TENM3: variants seen among roughly 807,000 people sequenced by gnomAD.
TENM3 encodes teneurin-3.
Under a neutral mutation model 255.1 loss-of-function variants are expected in TENM3, and 63 were observed. The observed-to-expected ratio is 0.25, with a 90% CI of 0.20 to 0.30. The LOEUF (loss-of-function observed/expected upper bound fraction) is 0.30, where lower values mean the gene tolerates loss of function less well. Ranked by LOEUF, TENM3 falls within the 10% of genes least tolerant of loss-of-function variation. The pLI, the probability that TENM3 is intolerant of heterozygous loss-of-function variation, is 1.00. For synonymous variants in TENM3, 1,306 were observed against 1,322.3 expected (o/e 0.99, Z 0.27); for missense variants, 2,929 against 3,461.1 (o/e 0.85, Z 3.86).
At chr4:182,575,999 TG>T (rs956323438) in intron 3 of TENM3, among the ~76,000 whole-genome samples, 28 of 152,202 alleles carry the variant, frequency 1.8e-4, no homozygotes, top group Non-Finnish European at 3.7e-4. Flanking sequence ...ATTTTCAGGG[TG>T]GGATTAAGCA....
chr4:182,543,542 C>T (rs1342396546), intron 3 of TENM3, among the ~76,000 whole-genome samples: 2 of 152,136 alleles, frequency 1.3e-5, no homozygotes, highest in Admixed American at 1.3e-4. Flanking sequence ...TAACCTCTAA[C>T]CTTAAACAGG....
the TENM3 span, among the ~76,000 whole-genome samples, chr4:181,532,344 CA>C: frequency 1.4e-3 from 210 of 152,108 alleles, 1 homozygote; most frequent in African/African-American, 4.6e-3. Context: ...ATTTAGGAAG[CA>C]GGATGTACAG....
At chr4:182,753,854 A>G (rs1261565314) in intron 21 of TENM3, among the ~76,000 whole-genome samples, 1 of 152,234 alleles carries the variant, frequency 6.6e-6, no homozygotes, top group Non-Finnish European at 1.5e-5. Flanking sequence ...GTAATAAAAT[A>G]CCAGTAAAGT....
At chr4:181,941,989 C>T in the TENM3 span, among the ~76,000 whole-genome samples, 3 of 152,218 alleles carry the variant, frequency 2.0e-5, no homozygotes, top group Admixed American at 6.5e-5. Flanking sequence ...ACAGGCTTCC[C>T]TGCCTCTCCC....
chr4:182,025,284 T>C, the TENM3 span, among the ~76,000 whole-genome samples: 1 of 152,164 alleles, frequency 6.6e-6, no homozygotes, highest in South Asian at 2.1e-4. Context: ...TGCCTCAGCC[T>C]CCCAAAGTGC....
chr4:182,206,889 T>G (rs1754620444), intron 1 of TENM3, among the ~76,000 whole-genome samples: 1 of 152,180 alleles, frequency 6.6e-6, no homozygotes, highest in Admixed American at 6.5e-5. Flanking sequence ...TTTCTCTCTC[T>G]TTTTAATTTG....
the TENM3 span, among the ~76,000 whole-genome samples, chr4:182,100,285 T>C: frequency 6.5e-3 from 991 of 151,714 alleles, 3 homozygotes; most frequent in Non-Finnish European, 9.7e-3. Context: ...ATCCATTTCT[T>C]CATGTCTCAT....
intron 7 of TENM3, among the ~76,000 whole-genome samples, chr4:182,679,240 C>T (rs1167760983): frequency 2.0e-5 from 3 of 152,132 alleles, no homozygotes; most frequent in Middle Eastern, 3.4e-3. Flanking sequence ...ATGATGGATA[C>T]CAGAGGCCGG....
the TENM3 span, among the ~76,000 whole-genome samples, chr4:181,689,923 G>T: frequency 6.6e-6 from 1 of 152,246 alleles, no homozygotes. Context: ...CACGTAAAAA[G>T]TTGAGGTCAA....
At chr4:181,634,878 G>A in the TENM3 span, among the ~76,000 whole-genome samples, 1 of 152,026 alleles carries the variant, frequency 6.6e-6, no homozygotes, top group Non-Finnish European at 1.5e-5. Flanking sequence ...TAAATTACTT[G>A]TATTATTTTG....
At chr4:182,096,260 G>A in the TENM3 span, among the ~76,000 whole-genome samples, 2 of 152,120 alleles carry the variant, frequency 1.3e-5, no homozygotes, top group East Asian at 3.8e-4. Context: ...TCTAAAGACG[G>A]GACAAATTAA....
In TENM3 at chr4:182,247,796, T is replaced by C. The variant is rs143983041; in HGVS notation, c.-76+4320T>C. 5.6e-4 allele frequency among the ~76,000 whole-genome samples: 85 copies of C among 152,314 alleles called. No homozygotes were observed. In the East Asian group the frequency reaches 0.013, roughly 23 times the overall value. ...TGAGTAAAAGCAGAATTATTTTCAATACTTAACAAAATTTTATTGGGAAAA... is the reference window on the plus strand; with the variant it reads ...TGAGTAAAAGCAGAATTATTTTCAACACTTAACAAAATTTTATTGGGAAAA... On this transcript the variant is annotated intron_variant, in intron 1 of 27. Coordinates refer to ENST00000511685, the MANE Select transcript of TENM3 (RefSeq NM_001080477.4).
the TENM3 span, among the ~76,000 whole-genome samples, chr4:181,906,785 G>A: frequency 2.9e-4 from 44 of 152,286 alleles, no homozygotes; most frequent in South Asian, 1.0e-3. Flanking sequence ...GAGCCCAAGC[G>A]ATCCTCTCGC....
chr4:182,663,232 G>C (rs1159105982), intron 6 of TENM3, among the ~76,000 whole-genome samples: 4 of 152,196 alleles, frequency 2.6e-5, no homozygotes, highest in Non-Finnish European at 4.4e-5. Context: ...AGCTAGAATA[G>C]ATCAGTGGGC....
the TENM3 span, among the ~76,000 whole-genome samples, chr4:181,564,510 G>T: frequency 6.6e-6 from 1 of 152,098 alleles, no homozygotes; most frequent in African/African-American, 2.4e-5. Flanking sequence ...TAAGCCCCAT[G>T]TCCAGTGCAC....
chr4:182,225,844 G>T (rs762273547), intron 1 of TENM3, among the ~76,000 whole-genome samples: 2 of 152,182 alleles, frequency 1.3e-5, no homozygotes, highest in Non-Finnish European at 2.9e-5. Flanking sequence ...TTAGACCGGG[G>T]TCTCACGGGG....
chr4:182,307,566 A>G (rs1483878138), intron 1 of TENM3, among the ~76,000 whole-genome samples: 1 of 152,214 alleles, frequency 6.6e-6, no homozygotes, highest in Non-Finnish European at 1.5e-5. Flanking sequence ...TCCTCCTGAC[A>G]TAGGGATTAT....
At chr4:181,975,807 T>G in the TENM3 span, 1 of 152,090 alleles carries the variant, frequency 6.6e-6, no homozygotes, top group African/African-American at 2.4e-5. Flanking sequence ...AAGACAGAAA[T>G]GGAGGATACA....
chr4:181,721,196 G>T, the TENM3 span, among the ~76,000 whole-genome samples: 1 of 152,044 alleles, frequency 6.6e-6, no homozygotes, highest in Non-Finnish European at 1.5e-5. Context: ...ATTCTGGAAG[G>T]CTGGAGAGTA....
Sources: gnomAD v4.1 joint callset for allele counts (sites outside exome capture counted in the v4.1 genomes callset) on GRCh38, gnomAD v4.1.1 for gene constraint, MANE v1.5 for transcripts, NCBI Gene and HGNC (gene_info 2026-07-23, HGNC 2026-07-21) for gene names.